Variants in PALD1 observed in about 807,000 individuals in gnomAD.
The protein encoded by PALD1 is paladin.
Under a neutral mutation model 96.0 loss-of-function variants are expected in PALD1, and 57 were observed. The ratio of observed to expected loss-of-function variants is 0.59; its 90% CI spans 0.48 to 0.74. The LOEUF (loss-of-function observed/expected upper bound fraction) is 0.74, where lower values mean the gene tolerates loss of function less well. PALD1 is among the 30% of genes least tolerant of loss of function. The pLI is 0.00. For synonymous variants in PALD1, 464 were observed against 473.6 expected, an observed-to-expected ratio of 0.98 and a Z score of 0.26; for missense variants, 1,063 against 1,143.7, an observed-to-expected ratio of 0.93 and a Z score of 1.02.
intron 1 of PALD1, among the ~76,000 whole-genome samples, chr10:70,501,833 G>GTGTGTA (rs1846302008): frequency 6.9e-6 from 1 of 144,516 alleles, no homozygotes; most frequent in Non-Finnish European, 1.5e-5. Context: ...GTGTGTGTGT[G>GTGTGTA]TGCGTGCGTG....
intron 11 of PALD1, 50 bp downstream of exon 11, chr10:70,537,956 C>T (rs776057743): frequency 1.2e-5 from 15 of 1,286,426 alleles, no homozygotes; most frequent in Non-Finnish European, 1.7e-5. Flanking sequence ...GGGCCTCTCC[C>T]AGCCTCCCCA....
At chr10:70,507,719 CTAAT>C (rs1202174145) in intron 1 of PALD1, among the ~76,000 whole-genome samples, 2 of 151,068 alleles carry the variant, frequency 1.3e-5, no homozygotes, top group Non-Finnish European at 2.9e-5. Flanking sequence ...ACCACACTGG[CTAAT>C]TGTTACATTT....
At chr10:70,530,763 C>A (rs1846975441) in intron 4 of PALD1, among the ~76,000 whole-genome samples, 1 of 152,166 alleles carries the variant, frequency 6.6e-6, no homozygotes, top group Non-Finnish European at 1.5e-5. Context: ...CAGGTCCCAT[C>A]TTCCCATCTT....
chr10:70,523,882 T>C (rs1846795806), intron 1 of PALD1, among the ~76,000 whole-genome samples: 1 of 152,042 alleles, frequency 6.6e-6, no homozygotes, highest in African/African-American at 2.4e-5. Flanking sequence ...GAGGTGGCTC[T>C]AGGGTAGGAG....
At position 70,534,696 on chromosome 10, in the gene PALD1, AC is replaced by A. The variant is rs553800275; in HGVS notation, c.1123-36del. On this transcript the variant is annotated intron_variant, in intron 9 of 19. Coordinates refer to ENST00000263563, the MANE Select transcript of PALD1 (RefSeq NM_014431.3). ...CCGTTCTGCCTTGACCCTGCTCCCC[AC>A]CCCCCCACCTCCCTCTTACTTGCCT... is the stretch of plus-strand genomic sequence containing the variant. 3.3e-4 allele frequency: 266 copies of A among 797,820 alleles called. 2 individuals are homozygous for A. The East Asian group carries it at 5.5e-3, about 17-fold the overall frequency. The allele number at this position is 797,820 out of a possible 1,614,324, so 49.4% of individuals were successfully genotyped here.
In PALD1 at chr10:70,531,369, G is replaced by C. The variant is rs373511707; in HGVS notation, c.548G>C (p.Arg183Pro). 1.2e-6 allele frequency: 2 copies of C among 1,614,066 alleles called. No individual in the cohort carries two copies. The highest frequency in any genetic ancestry group is 1.7e-6 in the Non-Finnish European group (2 of 1,179,966). The change falls in exon 5 of 20, where the codon CGA becomes CCA. Residue 183 changes from arginine to proline, a missense_variant. By Grantham distance (103) the Arg-to-Pro change is moderately radical. Coordinates refer to ENST00000263563, the MANE Select transcript of PALD1 (RefSeq NM_014431.3). ...GAGGACTTTGTGTCCTACACACCTC[G>C]AGACAAGCAGAACCTTCATGAGAAC... Reference protein sequence around the residue: ...ADEDFVSYTPRDKQNLHENLQ... With the variant: ...ADEDFVSYTPPDKQNLHENLQ...
At chr10:70,556,740 T>TGC (rs1044142459) in intron 18 of PALD1, among the ~76,000 whole-genome samples, 47 of 152,352 alleles carry the variant, frequency 3.1e-4, no homozygotes, top group African/African-American at 1.1e-3. Flanking sequence ...TTTCTAAGTG[T>TGC]GCACCACTGG....
At chr10:70,538,559 A>G (rs1230323910) in intron 12 of PALD1, 151 bp downstream of exon 12, 1 of 829,962 alleles carries the variant, frequency 1.2e-6, no homozygotes, top group Non-Finnish European at 1.9e-6. Context: ...TGTGAACAGA[A>G]TGGGGTCATG....
At chr10:70,502,016 G>C (rs113832287) in intron 1 of PALD1, among the ~76,000 whole-genome samples, 6 of 151,948 alleles carry the variant, frequency 3.9e-5, no homozygotes, top group Admixed American at 2.0e-4. Context: ...ATCCATAAAA[G>C]AGCCAAGGAC....
chr10:70,491,058 G>A (rs1846089297), intron 1 of PALD1, among the ~76,000 whole-genome samples: 1 of 151,962 alleles, frequency 6.6e-6, no homozygotes, highest in South Asian at 2.1e-4. Flanking sequence ...CCATTCTTCT[G>A]CCTCAGCCTC....
At chr10:70,471,111 C>T in the PALD1 span, among the ~76,000 whole-genome samples, 971 of 152,200 alleles carry the variant, frequency 6.4e-3, 22 homozygotes, top group African/African-American at 0.022. Flanking sequence ...CGTGAGCCAC[C>T]GTGTCCGGCC....
At chr10:70,561,699 C>T (rs932844710) in intron 18 of PALD1, among the ~76,000 whole-genome samples, 2 of 152,154 alleles carry the variant, frequency 1.3e-5, no homozygotes, top group Admixed American at 6.5e-5. Flanking sequence ...CCTCCATACC[C>T]ACTCCAGGCC....
At position 70,560,584 on chromosome 10, in the gene PALD1, T is replaced by C. The variant is rs1267179194; in HGVS notation, c.2263-3780T>C. Among the ~76,000 whole-genome samples the C allele has an allele frequency of 5.3e-5, 8 of 151,972 alleles. No homozygotes were observed. The East Asian group carries it at 1.6e-3, about 30-fold the overall frequency. The stretch of plus-strand genomic sequence containing the variant: ...CGCTCGGCCCGCAGGTGGCACTCAG[T>C]AGACCCTGACGCACGTGTTCTGCTT... On this transcript the variant is annotated intron_variant, in intron 18 of 19. Coordinates refer to ENST00000263563, the MANE Select transcript of PALD1 (RefSeq NM_014431.3).
the PALD1 span, among the ~76,000 whole-genome samples, chr10:70,464,795 T>C: frequency 6.7e-6 from 1 of 150,114 alleles, no homozygotes; most frequent in African/African-American, 2.5e-5. Context: ...CCGGCTAATT[T>C]TTTTGTAATT....
the PALD1 span, among the ~76,000 whole-genome samples, chr10:70,469,986 G>A: frequency 6.6e-6 from 1 of 152,074 alleles, no homozygotes; most frequent in Admixed American, 6.5e-5. Context: ...TAGGAACAGG[G>A]TTTCACCATG....
At chr10:70,562,916 A>G (rs886192271) in intron 18 of PALD1, among the ~76,000 whole-genome samples, 3 of 151,862 alleles carry the variant, frequency 2.0e-5, no homozygotes, top group Non-Finnish European at 2.9e-5. Context: ...CCTAGAAGGG[A>G]CCCTCTTTAA....
chr10:70,541,466 T>G lies in PALD1; in HGVS notation c.2053T>G (p.Phe685Val). 1 of 1,613,468 alleles carries G rather than the reference T, an allele frequency of 6.2e-7. No homozygotes were observed. The highest frequency in any genetic ancestry group is 1.1e-5 in the South Asian group (1 of 91,050). ...AVLAFWHIQG[F>V]PEVGEEELVS... ...CTCAGCAGCTGTCTTCCCTCAGGGCTTCCCCGAGGTGGGTGAGGAGGAGCT... is the reference window on the plus strand; with the variant it reads ...CTCAGCAGCTGTCTTCCCTCAGGGCGTCCCCGAGGTGGGTGAGGAGGAGCT... Residue 685 changes from phenylalanine to valine, a missense_variant, in exon 17 of 20, where the codon TTC becomes GTC. Transcript: ENST00000263563.
At chr10:70,459,221 C>T in the PALD1 span, among the ~76,000 whole-genome samples, 4 of 152,152 alleles carry the variant, frequency 2.6e-5, no homozygotes, top group Non-Finnish European at 5.9e-5. Flanking sequence ...CTCCCGCTGG[C>T]ACTATACTGA....
At chr10:70,482,368 AGAGGGCAGCCCAGCCATGTGCTGCCCC>A (rs1321561081) in intron 1 of PALD1, among the ~76,000 whole-genome samples, 1 of 152,196 alleles carries the variant, frequency 6.6e-6, no homozygotes, top group African/African-American at 2.4e-5. Flanking sequence ...TTCGTTTCCC[AGAGGGCAGCCCAGCCATGTGCTGCCCC>A]TGTCTTGGGC....
Sources: gnomAD v4.1 joint callset for allele counts (sites outside exome capture counted in the v4.1 genomes callset) on GRCh38, gnomAD v4.1.1 for gene constraint, MANE v1.5 for transcripts, NCBI Gene and HGNC (gene_info 2026-07-23, HGNC 2026-07-21) for gene names.